The following DPP10 variants were observed in gnomAD, a reference collection of about 807,000 sequenced individuals.
The protein encoded by DPP10 is inactive dipeptidyl peptidase 10.
A neutral mutation model predicts 120.9 loss-of-function variants in DPP10; 33 were observed. That is an observed-to-expected ratio of 0.27 (90% CI 0.21 to 0.37). The LOEUF is 0.37. Among genes scored for constraint, DPP10 ranks in the 10% least tolerant of loss-of-function variants. The probability of loss-of-function intolerance (pLI) is 1.00; values close to 1 mark genes in which losing one functional copy is unlikely to be tolerated. For missense variants in DPP10, 816 were observed against 942.8 expected, an observed-to-expected ratio of 0.87 and a Z score of 1.76; for synonymous variants, 337 against 326.1, an observed-to-expected ratio of 1.03 and a Z score of -0.36.
chr2:114,786,139 T>C (rs751557904), intron 1 of DPP10, among the ~76,000 whole-genome samples: 6 of 152,208 alleles, frequency 3.9e-5, no homozygotes, highest in Admixed American at 6.5e-5. Context: ...TAGATTCTCA[T>C]AGAGCAGAGT....
At chr2:114,591,768 T>A (rs1334065567) in intron 1 of DPP10, among the ~76,000 whole-genome samples, 1 of 152,010 alleles carries the variant, frequency 6.6e-6, no homozygotes, top group Non-Finnish European at 1.5e-5. Flanking sequence ...TTGGTCAGGC[T>A]GGTCTCGAAC....
At chr2:114,850,738 A>C (rs377370619) in intron 1 of DPP10, among the ~76,000 whole-genome samples, 1 of 152,162 alleles carries the variant, frequency 6.6e-6, no homozygotes, top group Non-Finnish European at 1.5e-5. Flanking sequence ...TCAAAAAGGA[A>C]CAATGCACTG....
intron 7 of DPP10, among the ~76,000 whole-genome samples, chr2:115,700,350 A>G (rs2091830863): frequency 6.6e-6 from 1 of 152,146 alleles, no homozygotes. Context: ...ATCTCAACTC[A>G]TACAGAATAA....
chr2:114,753,118 CCAA>C (rs1343950384), intron 1 of DPP10, among the ~76,000 whole-genome samples: 1 of 152,056 alleles, frequency 6.6e-6, no homozygotes, highest in Non-Finnish European at 1.5e-5. Context: ...TCTGTCAAAC[CCAA>C]CAATCAGGTA....
chr2:115,179,359 ATGT>A (rs1227576356), intron 1 of DPP10, among the ~76,000 whole-genome samples: 1 of 152,162 alleles, frequency 6.6e-6, no homozygotes, highest in Admixed American at 6.5e-5. Flanking sequence ...CATTATTAAA[ATGT>A]TGTTTCTGTA....
intron 3 of DPP10, among the ~76,000 whole-genome samples, chr2:115,462,492 C>T (rs768311504): frequency 1.3e-5 from 2 of 152,070 alleles, no homozygotes; most frequent in Non-Finnish European, 2.9e-5. Flanking sequence ...TGGTATGACA[C>T]ACCTCCATGG....
intron 1 of DPP10, among the ~76,000 whole-genome samples, chr2:114,554,594 C>T (rs1028437627): frequency 6.6e-6 from 1 of 152,154 alleles, no homozygotes; most frequent in Non-Finnish European, 1.5e-5. Flanking sequence ...TACCCTACAC[C>T]CCTCAACTTT....
intron 1 of DPP10, among the ~76,000 whole-genome samples, chr2:115,097,527 A>G (rs2048463663): frequency 6.6e-6 from 1 of 152,198 alleles, no homozygotes; most frequent in Non-Finnish European, 1.5e-5. Context: ...CAATAACATG[A>G]CCTGGAATCC....
At chr2:114,770,287 G>T (rs1440223389) in intron 1 of DPP10, among the ~76,000 whole-genome samples, 1 of 152,070 alleles carries the variant, frequency 6.6e-6, no homozygotes, top group African/African-American at 2.4e-5. Context: ...CCTCTAGAAG[G>T]CTCCTAGTAA....
intron 1 of DPP10, among the ~76,000 whole-genome samples, chr2:114,985,014 GA>G (rs1178849264): frequency 1.3e-5 from 2 of 152,236 alleles, no homozygotes; most frequent in African/African-American, 4.8e-5. Flanking sequence ...TCATTTCAGT[GA>G]AAATAAGAAA....
chr2:114,870,926 G>A (rs975529842), intron 1 of DPP10, among the ~76,000 whole-genome samples: 1 of 134,892 alleles, frequency 7.4e-6, no homozygotes, highest in Non-Finnish European at 1.6e-5. Flanking sequence ...ATCCTAAAAG[G>A]GTTGGGGTAG....
chr2:115,613,841 A>G (rs975290643), intron 5 of DPP10, among the ~76,000 whole-genome samples: 3 of 152,210 alleles, frequency 2.0e-5, no homozygotes, highest in African/African-American at 7.2e-5. Flanking sequence ...AAAAGGTACA[A>G]TAAAGGATCC....
chr2:115,351,796 T>G (rs1052779968), intron 3 of DPP10, among the ~76,000 whole-genome samples: 3 of 152,086 alleles, frequency 2.0e-5, no homozygotes, highest in African/African-American at 7.2e-5. Flanking sequence ...CAAAAATGTT[T>G]TATTTATTGC....
At chr2:115,799,797 G>T (rs912636341) in intron 19 of DPP10, among the ~76,000 whole-genome samples, 1 of 151,814 alleles carries the variant, frequency 6.6e-6, no homozygotes, top group South Asian at 2.1e-4. Context: ...GTATTCCATG[G>T]TGTATATGTG....
At chr2:114,661,736 A>G (rs1411103318) in intron 1 of DPP10, among the ~76,000 whole-genome samples, 1 of 152,230 alleles carries the variant, frequency 6.6e-6, no homozygotes, top group Non-Finnish European at 1.5e-5. Context: ...AACGCACTGT[A>G]GACTCCATGG....
At chr2:115,753,494 T>C (rs917813064) in intron 11 of DPP10, among the ~76,000 whole-genome samples, 197 bp downstream of exon 11, 1 of 152,152 alleles carries the variant, frequency 6.6e-6, no homozygotes, top group Admixed American at 6.6e-5. Context: ...ATATTGATGA[T>C]AAGCAGAAGA....
chr2:114,891,858 T>C (rs1692568180), intron 1 of DPP10, among the ~76,000 whole-genome samples: 1 of 152,214 alleles, frequency 6.6e-6, no homozygotes, highest in South Asian at 2.1e-4. Context: ...TGCACTGATG[T>C]TCTAATAGCA....
At chr2:115,791,620 G>A (rs1683998044) in intron 19 of DPP10, among the ~76,000 whole-genome samples, 4 of 152,156 alleles carry the variant, frequency 2.6e-5, no homozygotes, top group Admixed American at 2.6e-4. Flanking sequence ...ATTTGTGGGT[G>A]TCTGCTTAGC....
chr2:115,541,603 A>G (rs1186060361), intron 5 of DPP10, among the ~76,000 whole-genome samples: 1 of 151,914 alleles, frequency 6.6e-6, no homozygotes, highest in African/African-American at 2.4e-5. Context: ...GATCTGCTGG[A>G]TAATAACAGA....
Sources: gnomAD v4.1 joint callset for allele counts (sites outside exome capture counted in the v4.1 genomes callset) on GRCh38, gnomAD v4.1.1 for gene constraint, MANE v1.5 for transcripts, NCBI Gene and HGNC (gene_info 2026-07-23, HGNC 2026-07-21) for gene names.